Variants in PCDH11X observed in about 807,000 individuals in gnomAD.
PCDH11X encodes protocadherin 11 X-linked.
PCDH11X carries 18 observed loss-of-function variants against 53.3 expected under a neutral mutation model. The ratio of observed to expected loss-of-function variants is 0.34; its 90% CI spans 0.23 to 0.50. The LOEUF (loss-of-function observed/expected upper bound fraction) is 0.50, where lower values mean the gene tolerates loss of function less well. PCDH11X is among the 20% of genes least tolerant of loss of function. The pLI is 0.98. For synonymous variants in PCDH11X, 279 were observed against 393.3 expected (o/e 0.71, Z 3.44); for missense variants, 570 against 1,032.4 (o/e 0.55, Z 6.14).
chrX:91,954,193 C>T (rs1156712978), intron 6 of PCDH11X, among the ~76,000 whole-genome samples: 2 of 110,366 alleles, frequency 1.8e-5, no homozygotes, highest in Non-Finnish European at 3.8e-5. Context: ...ATTCAGCTCC[C>T]ACTTATACAT....
intron 6 of PCDH11X, among the ~76,000 whole-genome samples, chrX:91,969,837 G>A (rs2061925085): frequency 9.2e-6 from 1 of 108,969 alleles, no homozygotes; most frequent in East Asian, 2.9e-4. Flanking sequence ...CAAAAGCAAA[G>A]GGGATCATCG....
At chrX:92,308,356 G>A (rs762093672) in intron 8 of PCDH11X, among the ~76,000 whole-genome samples, 16 of 111,368 alleles carry the variant, frequency 1.4e-4, no homozygotes, top group South Asian at 3.8e-4. Context: ...TCATGTATAT[G>A]GTTAAATGAT....
chrX:92,611,544 A>G (rs1927382366), intron 10 of PCDH11X, among the ~76,000 whole-genome samples: 1 of 110,182 alleles, frequency 9.1e-6, no homozygotes, highest in African/African-American at 3.3e-5. Context: ...ATAGGTTATC[A>G]TCTTCTTTTC....
intron 7 of PCDH11X, among the ~76,000 whole-genome samples, chrX:92,209,954 G>T (rs951872882): frequency 1.3e-4 from 15 of 111,766 alleles, no homozygotes; most frequent in African/African-American, 4.9e-4. Context: ...AAGGGTTCAA[G>T]CTGTACCTTG....
chrX:92,093,318 C>T (rs2064080080), intron 6 of PCDH11X, among the ~76,000 whole-genome samples: 1 of 111,341 alleles, frequency 9.0e-6, no homozygotes, highest in Admixed American at 9.6e-5. Flanking sequence ...TATTTTGATA[C>T]ATAAATATTA....
Position 92,104,240 on chromosome X carries a change from G to A in PCDH11X, c.3034-97135G>A, listed in dbSNP as rs748130848. Among the ~76,000 whole-genome samples the A allele has an allele frequency of 1.2e-4, 13 of 110,289 alleles. No individual in the cohort carries two copies. The South Asian group carries it at 5.1e-3, about 44-fold the overall frequency. On this transcript the variant is annotated intron_variant, in intron 6 of 10. Coordinates refer to ENST00000682573, the MANE Select transcript of PCDH11X (RefSeq NM_032968.5). ...GGCGATAAAAAGATTATAGGGTGGAGGAGTGGAGGCTGAGGAAGAATTGGG... is the reference window on the plus strand; with the variant it reads ...GGCGATAAAAAGATTATAGGGTGGAAGAGTGGAGGCTGAGGAAGAATTGGG...
chrX:92,222,598 C>T (rs748767955), intron 7 of PCDH11X, among the ~76,000 whole-genome samples: 31 of 111,815 alleles, frequency 2.8e-4, no homozygotes, highest in African/African-American at 8.8e-4. Flanking sequence ...CAACTGAAGA[C>T]GTTCCAACTT....
rs190393609 is a variant in PCDH11X, at chrX:92,433,657, G to A, written c.3344-34642G>A. On this transcript the variant is annotated intron_variant, in intron 9 of 10. Transcript: ENST00000682573. ...GAATAGTGTAAAAAACATGAGGTTG[G>A]AATCAGTCCTGAAAGTGAATCCTGA... Among the ~76,000 whole-genome samples, 1,012 of 110,620 alleles carry A rather than the reference G, an allele frequency of 9.1e-3. 6 individuals are homozygous for A. Among genetic ancestry groups the A allele is most frequent in the Non-Finnish European group, 0.012 (646 of 52,604 alleles).
intron 10 of PCDH11X, among the ~76,000 whole-genome samples, chrX:92,570,410 T>C (rs1922064021): frequency 8.9e-6 from 1 of 112,091 alleles, no homozygotes; most frequent in African/African-American, 3.2e-5. Flanking sequence ...TGTTAGTCTA[T>C]TGAGCAACAG....
At chrX:92,215,295 T>G (rs970377786) in intron 7 of PCDH11X, among the ~76,000 whole-genome samples, 1 of 108,323 alleles carries the variant, frequency 9.2e-6, no homozygotes, top group Admixed American at 1.0e-4. Flanking sequence ...TTCCCTTTCC[T>G]AGTCAAAGAA....
At chrX:92,117,524 CGTAA>C (rs1444261767) in intron 6 of PCDH11X, among the ~76,000 whole-genome samples, 2 of 111,064 alleles carry the variant, frequency 1.8e-5, no homozygotes, top group African/African-American at 6.6e-5. Context: ...TATATACTAG[CGTAA>C]GTGTTTCTTT....
At chrX:91,975,040 C>T (rs1379913314) in intron 6 of PCDH11X, among the ~76,000 whole-genome samples, 1 of 111,118 alleles carries the variant, frequency 9.0e-6, no homozygotes, top group African/African-American at 3.3e-5. Flanking sequence ...GCATGAGCCG[C>T]CACGCCTGGC....
intron 6 of PCDH11X, among the ~76,000 whole-genome samples, chrX:91,929,865 A>G (rs970603480): frequency 3.6e-5 from 4 of 111,025 alleles, no homozygotes; most frequent in Non-Finnish European, 7.6e-5. Flanking sequence ...TGTTTTGCAA[A>G]TATATGACAT....
chrX:92,580,088 C>T (rs1400894927), intron 10 of PCDH11X, among the ~76,000 whole-genome samples: 1 of 104,544 alleles, frequency 9.6e-6, no homozygotes, highest in Non-Finnish European at 2.0e-5. Context: ...GGCTGCAGAA[C>T]AGCAAAGATG....
intron 7 of PCDH11X, among the ~76,000 whole-genome samples, chrX:92,222,364 G>A (rs1401864689): frequency 9.0e-6 from 1 of 111,514 alleles, no homozygotes; most frequent in Non-Finnish European, 1.9e-5. Flanking sequence ...CAACAATTTA[G>A]CAAGTTGCAT....
chrX:91,847,579 G>A (rs1937753942), intron 5 of PCDH11X, among the ~76,000 whole-genome samples: 1 of 111,108 alleles, frequency 9.0e-6, no homozygotes, highest in South Asian at 3.8e-4. Context: ...TTGAGCCAGA[G>A]AGCTGCCATC....
intron 5 of PCDH11X, among the ~76,000 whole-genome samples, chrX:91,864,534 A>G (rs1298704644): frequency 3.1e-5 from 3 of 95,935 alleles, no homozygotes; most frequent in Admixed American, 2.3e-4. Context: ...TTTTACTTTG[A>G]TATTGATATA....
rs1413716198 is a variant in PCDH11X at position 92,293,577 on chromosome X, C to T, written c.3144+30434C>T. Among the ~76,000 whole-genome samples, 25 of 104,227 alleles carry T rather than the reference C, an allele frequency of 2.4e-4. 1 individual carries two copies. The highest frequency in any genetic ancestry group is 4.2e-4 in the Non-Finnish European group (22 of 51,941). The allele number at this position is 104,227 out of a possible 115,157, so 90.5% of individuals were successfully genotyped here. A position where few individuals can be genotyped will look rare whatever the true frequency, so the allele number is the denominator to read the frequency against. On this transcript the variant is annotated intron_variant, in intron 8 of 10. Transcript: ENST00000682573. ...GGCGGAGCTGGCAGTAAGCCGAGAT[C>T]GCGCCACTGCACTCCAGCCTGGGCG...
At chrX:92,225,509 C>T (rs949759372) in intron 7 of PCDH11X, among the ~76,000 whole-genome samples, 1 of 111,019 alleles carries the variant, frequency 9.0e-6, no homozygotes, top group Non-Finnish European at 1.9e-5. Context: ...AAAGATGAAA[C>T]AAAATGGGTG....
Sources: allele counts gnomAD v4.1 joint callset (sites outside exome capture counted in the v4.1 genomes callset), GRCh38; gene constraint gnomAD v4.1.1; transcripts MANE v1.5; gene names NCBI Gene and HGNC (gene_info 2026-07-23, HGNC 2026-07-21).